The following SYT16 variants were observed in gnomAD, a reference collection of about 807,000 sequenced individuals.
The protein encoded by SYT16 is synaptotagmin 16, also known as synaptotagmin-16.
In SYT16, 42 loss-of-function variants were observed where a neutral mutation model predicts 61.4. The ratio of observed to expected loss-of-function variants is 0.68; its 90% CI spans 0.53 to 0.89. SYT16 has a LOEUF of 0.89. Ranked by LOEUF, SYT16 falls within the 40% of genes least tolerant of loss-of-function variation. SYT16 has a pLI of 0.00. For synonymous variants in SYT16, 314 were observed against 302.3 expected, an observed-to-expected ratio of 1.04 and a Z score of -0.40; for missense variants, 804 against 807.3, an observed-to-expected ratio of 1.00 and a Z score of 0.05.
intron 2 of SYT16, among the ~76,000 whole-genome samples, chr14:61,994,580 G>A (rs1389554968): frequency 1.3e-5 from 2 of 152,160 alleles, no homozygotes; most frequent in Non-Finnish European, 2.9e-5. Flanking sequence ...TGCAGCTGGT[G>A]AATATAACAG....
At chr14:61,860,741 C>T (rs1354730691) in intron 1 of SYT16, among the ~76,000 whole-genome samples, 1 of 152,140 alleles carries the variant, frequency 6.6e-6, no homozygotes, top group Admixed American at 6.5e-5. Context: ...ATTGAGGATC[C>T]ACCTGAGGCT....
chr14:61,859,263 A>G (rs927420386), intron 1 of SYT16, among the ~76,000 whole-genome samples: 45 of 152,238 alleles, frequency 3.0e-4, no homozygotes, highest in African/African-American at 1.0e-3. Context: ...GGAACTAGGG[A>G]CTAGACATGT....
chr14:61,911,437 A>G (rs2048930896), intron 1 of SYT16, among the ~76,000 whole-genome samples: 1 of 152,242 alleles, frequency 6.6e-6, no homozygotes, highest in South Asian at 2.1e-4. Flanking sequence ...AGAGTTGGAA[A>G]AGCAGGTGCT....
At position 62,110,702 on chromosome 14, in the gene SYT16, T is replaced by A. The variant is rs975805632; in HGVS notation, c.*9995T>A. On this transcript the variant is annotated 3_prime_UTR_variant, in exon 8 of 8. Transcript: ENST00000683842. ...TTCAAACACTGATCATGTAACAAACTGCAAATCCATGTTTTCAGCAGGTTC... is the reference window on the plus strand; with the variant it reads ...TTCAAACACTGATCATGTAACAAACAGCAAATCCATGTTTTCAGCAGGTTC... 1.3e-5 allele frequency: 2 copies of A among 152,084 alleles called. No homozygotes were observed. The highest frequency in any genetic ancestry group is 2.9e-5 in the Non-Finnish European group (2 of 67,952). The allele number at this position is 152,084 out of a possible 1,614,324, so 9.4% of individuals were successfully genotyped here.
At position 61,838,203 on chromosome 14, in the gene SYT16, T is replaced by G. The variant is rs2046192319; in HGVS notation, c.-325+25393T>G. The stretch of plus-strand genomic sequence containing the variant: ...CATTCCTTTATTTTTCTATATTGAA[T>G]TAACTACCTGACTGGTGGGAAAATT... On this transcript the variant is annotated intron_variant, in intron 1 of 7. Coordinates refer to ENST00000683842, the MANE Select transcript of SYT16 (RefSeq NM_001367656.1). 2.0e-5 allele frequency among the ~76,000 whole-genome samples: 3 copies of G among 152,296 alleles called. No homozygotes were observed. The South Asian group carries it at 6.2e-4, about 32-fold the overall frequency.
intron 1 of SYT16, among the ~76,000 whole-genome samples, chr14:61,960,820 G>A (rs561790212): frequency 1.3e-5 from 2 of 152,208 alleles, no homozygotes; most frequent in South Asian, 2.1e-4. Context: ...CATTCAGTAT[G>A]ATGTTGGGAC....
rs1186399814 is a variant in SYT16, at chr14:61,995,921, C to A, written c.-99C>A. Reference sequence around the variant, plus strand: ...ATATTCACAGCCATTAAGAGACCTCCAAATTAATTTCTCAACATGCTTATT... The same window carrying A: ...ATATTCACAGCCATTAAGAGACCTCAAAATTAATTTCTCAACATGCTTATT... On this transcript the variant is annotated 5_prime_UTR_variant, in exon 3 of 8. Coordinates refer to ENST00000683842, the MANE Select transcript of SYT16 (RefSeq NM_001367656.1). 4 of 1,269,070 alleles carry A rather than the reference C, an allele frequency of 3.2e-6. No homozygotes were observed. The African/African-American group carries it at 6.0e-5, about 19-fold the overall frequency. The allele number at this position is 1,269,070 out of a possible 1,614,324, so 78.6% of individuals were successfully genotyped here.
At chr14:62,050,376 A>C (rs1246402604) in intron 3 of SYT16, among the ~76,000 whole-genome samples, 1 of 151,606 alleles carries the variant, frequency 6.6e-6, no homozygotes, top group Non-Finnish European at 1.5e-5. Context: ...CATTCGTCCA[A>C]TTTTTTTTCA....
At position 62,069,651 on chromosome 14, in the gene SYT16, A is replaced by C. The variant is rs2056214186; in HGVS notation, c.572A>C (p.Asp191Ala). ...DEELSTSSDS[D>A]EEVIKQFEIS... is the part of the protein sequence containing the mutation. ...GAGCTGTCCACATCTTCTGACAGTG[A>C]CGAGGAGGTGATCAAACAATTTGAG... The change falls in exon 4 of 8, where the codon GAC becomes GCC. Residue 191 changes from aspartate to alanine, a missense_variant. Coordinates refer to ENST00000683842, the MANE Select transcript of SYT16 (RefSeq NM_001367656.1). 6.2e-7 allele frequency: 1 copy of C among 1,613,996 alleles called. No individual in the cohort carries two copies. The highest frequency in any genetic ancestry group is 8.5e-7 in the Non-Finnish European group (1 of 1,179,892).
At chr14:62,084,602 C>A (rs2056825450) in intron 7 of SYT16, among the ~76,000 whole-genome samples, 1 of 152,120 alleles carries the variant, frequency 6.6e-6, no homozygotes, top group Admixed American at 6.5e-5. Flanking sequence ...AATAGACTGG[C>A]CTGTGTGTCT....
intron 2 of SYT16, among the ~76,000 whole-genome samples, chr14:61,981,440 A>C (rs868210884): frequency 1.4e-4 from 22 of 152,196 alleles, no homozygotes; most frequent in African/African-American, 4.8e-4. Flanking sequence ...CACTAAAAAA[A>C]CTTATTATGG....
chr14:62,089,714 G>T (rs1465786402), intron 7 of SYT16, among the ~76,000 whole-genome samples: 2 of 152,196 alleles, frequency 1.3e-5, no homozygotes, highest in Non-Finnish European at 1.5e-5. Flanking sequence ...CGTGGTCAGT[G>T]TTCAAAACTA....
chr14:62,059,338 G>C (rs1344020758), intron 3 of SYT16, among the ~76,000 whole-genome samples: 2 of 152,062 alleles, frequency 1.3e-5, no homozygotes, highest in Non-Finnish European at 2.9e-5. Context: ...TTTGTTTATA[G>C]GCCATTTGTA....
At chr14:61,900,125 A>G (rs17099310) in intron 1 of SYT16, among the ~76,000 whole-genome samples, 39,942 of 150,188 alleles carry the variant, frequency 0.27, 5,467 homozygotes, top group Admixed American at 0.32. Flanking sequence ...AGTGACTTTG[A>G]TTGCCAGGCA....
At chr14:61,874,517 G>C (rs1341209967) in intron 1 of SYT16, among the ~76,000 whole-genome samples, 1 of 152,156 alleles carries the variant, frequency 6.6e-6, no homozygotes. Context: ...TTTTATATCA[G>C]ACAAGGTACA....
chr14:62,000,099 A>ATTTTTTTTTTTTTTTTTTTTTTTT lies in SYT16; in HGVS notation c.523+3563_523+3586dup. 9.5e-4 allele frequency among the ~76,000 whole-genome samples: 18 copies of ATTTTTTTTTTTTTTTTTTTTTTTT among 18,952 alleles called. 2 individuals carry two copies. Among genetic ancestry groups the ATTTTTTTTTTTTTTTTTTTTTTTT allele is most frequent in the African/African-American group, 1.7e-3 (6 of 3,512 alleles). The allele number at this position is 18,952 out of a possible 152,430, so 12.4% of individuals were successfully genotyped here. A position where few individuals can be genotyped will look rare whatever the true frequency, so the allele number is the denominator to read the frequency against. On this transcript the variant is annotated intron_variant, in intron 3 of 7. Coordinates refer to ENST00000683842, the MANE Select transcript of SYT16 (RefSeq NM_001367656.1). ...TTTCTAATACTTATTTTGTCTCTCGATTTTTTTTTTTTTTTTTTTTTTTTT... is the reference window on the plus strand; with the variant it reads ...TTTCTAATACTTATTTTGTCTCTCGATTTTTTTTTTTTTTTTTTTTTTTTTTTTTTTTTTTTTTTTTTTTTTTTT...
intron 4 of SYT16, among the ~76,000 whole-genome samples, chr14:62,073,598 T>C (rs1346462156): frequency 1.3e-5 from 2 of 152,220 alleles, no homozygotes; most frequent in African/African-American, 4.8e-5. Context: ...ACGAGGAAGA[T>C]AGGGAACTTT....
At chr14:61,967,005 A>G (rs960963937) in intron 1 of SYT16, among the ~76,000 whole-genome samples, 1 of 152,250 alleles carries the variant, frequency 6.6e-6, no homozygotes, top group African/African-American at 2.4e-5. Context: ...AAAATTTAAC[A>G]TTTGAAATTG....
intron 3 of SYT16, among the ~76,000 whole-genome samples, chr14:62,055,054 T>A (rs1309452345): frequency 6.6e-6 from 1 of 152,216 alleles, no homozygotes; most frequent in Non-Finnish European, 1.5e-5. Context: ...CATTTGCTTG[T>A]AAGGATTCAT....
Sources: allele counts gnomAD v4.1 joint callset (sites outside exome capture counted in the v4.1 genomes callset), GRCh38; gene constraint gnomAD v4.1.1; transcripts MANE v1.5; gene names NCBI Gene and HGNC (gene_info 2026-07-23, HGNC 2026-07-21).